Variants in SLC12A8 observed in about 807,000 individuals in gnomAD.
The protein encoded by SLC12A8 is cation-chloride cotransporter 9.
A neutral mutation model predicts 75.6 loss-of-function variants in SLC12A8; 69 were observed. The ratio of observed to expected loss-of-function variants is 0.91; its 90% CI spans 0.75 to 1.11. The LOEUF is 1.11. Ranked by LOEUF, SLC12A8 falls within the 50% of genes most tolerant of loss-of-function variation. The pLI is 0.00. For missense variants in SLC12A8, 877 were observed against 896.7 expected, an observed-to-expected ratio of 0.98 and a Z score of 0.28; for synonymous variants, 365 against 372.8, an observed-to-expected ratio of 0.98 and a Z score of 0.24.
At chr3:125,174,829 G>A (rs1934484846) in intron 5 of SLC12A8, among the ~76,000 whole-genome samples, 1 of 152,326 alleles carries the variant, frequency 6.6e-6, no homozygotes, top group South Asian at 2.1e-4. Context: ...GCATTAAAAG[G>A]CAAAGCACAG....
At chr3:125,171,201 C>A (rs1934399539) in intron 5 of SLC12A8, among the ~76,000 whole-genome samples, 1 of 130,668 alleles carries the variant, frequency 7.7e-6, no homozygotes, top group Admixed American at 8.4e-5. Flanking sequence ...TGACACTTCT[C>A]CATTGAAAGA....
chr3:125,177,692 C>T lies in SLC12A8; in HGVS notation c.622+51G>A, dbSNP rs373621188. ...GGCAAACTCACACCTACAAACATCT[C>T]TAAAGCAGTGAAGATCCATAAGGCC... is the stretch of plus-strand genomic sequence containing the variant. On this transcript the variant is annotated intron_variant, in intron 5 of 13. Coordinates refer to ENST00000469902, the MANE Select transcript of SLC12A8 (RefSeq NM_024628.6). 64 of 1,478,176 alleles carry T rather than the reference C, an allele frequency of 4.3e-5. No individual in the cohort carries two copies. In the African/African-American group the frequency reaches 8.2e-4, roughly 19 times the overall value. The allele number at this position is 1,478,176 out of a possible 1,614,324, so 91.6% of individuals were successfully genotyped here.
intron 6 of SLC12A8, among the ~76,000 whole-genome samples, chr3:125,133,380 A>AT (rs11344357): frequency 3.7e-4 from 55 of 150,408 alleles, no homozygotes; most frequent in Admixed American, 1.3e-3. Context: ...CACACACACA[A>AT]TTTTTTTTTT....
intron 12 of SLC12A8, among the ~76,000 whole-genome samples, chr3:125,090,529 T>C (rs1473300434): frequency 6.6e-6 from 1 of 152,242 alleles, no homozygotes; most frequent in Non-Finnish European, 1.5e-5. Context: ...AATCTCTGAC[T>C]ATGGTTGTGA....
chr3:125,100,034 C>T (rs1291254848), intron 10 of SLC12A8, among the ~76,000 whole-genome samples: 1 of 152,040 alleles, frequency 6.6e-6, no homozygotes, highest in African/African-American at 2.4e-5. Context: ...ATGCTATCAA[C>T]AGAAGATTTC....
intron 2 of SLC12A8, among the ~76,000 whole-genome samples, chr3:125,196,508 A>C (rs1169593385): frequency 3.9e-5 from 6 of 152,250 alleles, no homozygotes; most frequent in African/African-American, 1.2e-4. Flanking sequence ...AAATAAGAGA[A>C]GAATAACCCC....
chr3:125,186,880 G>A (rs1362599425), intron 4 of SLC12A8, among the ~76,000 whole-genome samples: 42 of 152,232 alleles, frequency 2.8e-4, no homozygotes, highest in South Asian at 2.1e-4. Context: ...GTAAAAAAGC[G>A]TCCCAGGGCC....
intron 3 of SLC12A8, 116 bp from the exon 4 acceptor site, chr3:125,187,544 TG>T: frequency 2.2e-6 from 2 of 902,476 alleles, no homozygotes; most frequent in South Asian, 1.6e-5. Flanking sequence ...GGGCCAGGGG[TG>T]GGGGCACAGA....
In SLC12A8 at chr3:125,083,356, C is replaced by T. The variant is rs1159949462; in HGVS notation, c.*534G>A. 6.3e-6 allele frequency: 1 copy of T among 158,042 alleles called. No individual in the cohort carries two copies. The highest frequency in any genetic ancestry group is 6.0e-5 in the Admixed American group (1 of 16,658). 9.8% of individuals were successfully genotyped at this position (158,042 alleles called of 1,614,324 possible). ...AGGCTAGCACCATTCCTGATGTCAC[C>T]CTGGGTGAGACGTGGTCCTCAGAAT... On this transcript the variant is annotated 3_prime_UTR_variant, in exon 14 of 14. Transcript: ENST00000469902.
At chr3:125,143,143 CA>C (rs1247143348) in intron 5 of SLC12A8, among the ~76,000 whole-genome samples, 1 of 152,204 alleles carries the variant, frequency 6.6e-6, no homozygotes, top group Non-Finnish European at 1.5e-5. Context: ...CACGCAGAGT[CA>C]AAAGGGGAAC....
intron 5 of SLC12A8, among the ~76,000 whole-genome samples, chr3:125,164,083 A>C (rs1410303873): frequency 6.6e-6 from 1 of 152,110 alleles, no homozygotes; most frequent in Non-Finnish European, 1.5e-5. Context: ...AAAGAGGCTC[A>C]CCTCTAACAG....
At chr3:125,088,269 A>G in intron 13 of SLC12A8, 41 bp downstream of exon 13, 1 of 1,602,062 alleles carries the variant, frequency 6.2e-7, no homozygotes, top group East Asian at 2.2e-5. Flanking sequence ...AGGACTCTGG[A>G]CACTCATCCA....
At chr3:125,177,272 C>A (rs1296011956) in intron 5 of SLC12A8, among the ~76,000 whole-genome samples, 2 of 137,450 alleles carry the variant, frequency 1.5e-5, no homozygotes, top group African/African-American at 5.6e-5. Context: ...GGGAATTGAA[C>A]AATGAGAACA....
intron 13 of SLC12A8, among the ~76,000 whole-genome samples, chr3:125,087,416 TGAG>T (rs1335014764): frequency 3.3e-5 from 5 of 152,036 alleles, no homozygotes; most frequent in Non-Finnish European, 7.4e-5. Flanking sequence ...ATTTTTAAAA[TGAG>T]GAGAAAAAAG....
chr3:125,203,490 A>G (rs1170070566), intron 2 of SLC12A8, among the ~76,000 whole-genome samples: 1 of 152,240 alleles, frequency 6.6e-6, no homozygotes, highest in Non-Finnish European at 1.5e-5. Flanking sequence ...TATTGGGGAA[A>G]GGACACCCTC....
At chr3:125,085,150 C>CTTCTA (rs1938426118) in intron 13 of SLC12A8, among the ~76,000 whole-genome samples, 2 of 152,160 alleles carry the variant, frequency 1.3e-5, no homozygotes, top group South Asian at 4.1e-4. Context: ...ACTGAATTAA[C>CTTCTA]TTCTATAAAG....
intron 6 of SLC12A8, among the ~76,000 whole-genome samples, chr3:125,126,141 T>G (rs1933200928): frequency 6.6e-6 from 1 of 152,262 alleles, no homozygotes; most frequent in Non-Finnish European, 1.5e-5. Context: ...CCTTCTGGCT[T>G]GGTCTTCCAC....
intron 2 of SLC12A8, among the ~76,000 whole-genome samples, chr3:125,207,858 C>T (rs760635129): frequency 8.5e-5 from 13 of 152,198 alleles, no homozygotes; most frequent in East Asian, 1.9e-4. Context: ...CTTCTGTGTG[C>T]GATCGGCTTC....
chr3:125,109,830 C>A (rs537261718), intron 9 of SLC12A8, among the ~76,000 whole-genome samples: 2 of 152,158 alleles, frequency 1.3e-5, no homozygotes, highest in African/African-American at 4.8e-5. Context: ...GACCAAAACA[C>A]GCTTTCTTCT....
Sources: gnomAD v4.1 joint callset for allele counts (sites outside exome capture counted in the v4.1 genomes callset) on GRCh38, gnomAD v4.1.1 for gene constraint, MANE v1.5 for transcripts, NCBI Gene and HGNC (gene_info 2026-07-23, HGNC 2026-07-21) for gene names.